XRCC4: variants seen among roughly 807,000 people sequenced by gnomAD.
The protein encoded by XRCC4 is X-ray repair cross complementing 4.
Under a neutral mutation model 39.1 loss-of-function variants are expected in XRCC4, and 28 were observed. The observed-to-expected ratio is 0.72, with a 90% CI of 0.53 to 0.98. The LOEUF (loss-of-function observed/expected upper bound fraction) is 0.98, where lower values mean the gene tolerates loss of function less well. XRCC4 is among the 50% of genes least tolerant of loss of function. The pLI is 0.00. For synonymous variants in XRCC4, 123 were observed against 126.4 expected (o/e 0.97, Z 0.18); for missense variants, 350 against 376.4 (o/e 0.93, Z 0.58).
At chr5:83,080,095 C>G (rs140020479) in intron 1 of XRCC4, among the ~76,000 whole-genome samples, 51 of 152,074 alleles carry the variant, frequency 3.4e-4, no homozygotes, top group African/African-American at 1.2e-3. Flanking sequence ...ATTAAAAGTC[C>G]CTGGAGAGGA....
chr5:83,100,261 A>G (rs1393668299), intron 1 of XRCC4, among the ~76,000 whole-genome samples: 2 of 152,132 alleles, frequency 1.3e-5, no homozygotes, highest in South Asian at 2.1e-4. Flanking sequence ...AAATAAAATC[A>G]TATAATTTTT....
intron 3 of XRCC4, among the ~76,000 whole-genome samples, chr5:83,181,142 T>C (rs1750188547): frequency 6.6e-6 from 1 of 151,740 alleles, no homozygotes. Flanking sequence ...TTAGATATTA[T>C]CTATTATCTT....
At chr5:83,124,939 G>T (rs769201458) in intron 3 of XRCC4, among the ~76,000 whole-genome samples, 1 of 152,132 alleles carries the variant, frequency 6.6e-6, no homozygotes, top group Non-Finnish European at 1.5e-5. Context: ...TCCCAAATGG[G>T]TGTACTATTT....
intron 3 of XRCC4, among the ~76,000 whole-genome samples, chr5:83,127,795 T>C (rs1015170044): frequency 6.6e-6 from 1 of 152,078 alleles, no homozygotes; most frequent in African/African-American, 2.4e-5. Flanking sequence ...GGATGAATTC[T>C]ATCGGATTTT....
intron 6 of XRCC4, among the ~76,000 whole-genome samples, chr5:83,258,026 C>T (rs578054323): frequency 3.7e-4 from 56 of 152,072 alleles, no homozygotes; most frequent in Middle Eastern, 6.8e-3. Flanking sequence ...CATCACACAC[C>T]GGGGCCTGTC....
At chr5:83,347,380 G>T (rs897472645) in intron 7 of XRCC4, among the ~76,000 whole-genome samples, 9 of 152,156 alleles carry the variant, frequency 5.9e-5, no homozygotes, top group Non-Finnish European at 1.2e-4. Flanking sequence ...GTTCTGTAGG[G>T]TGTGCAGGCT....
At chr5:83,332,103 C>T (rs1405737071) in intron 7 of XRCC4, among the ~76,000 whole-genome samples, 1 of 152,112 alleles carries the variant, frequency 6.6e-6, no homozygotes, top group Non-Finnish European at 1.5e-5. Context: ...TGACTGACAT[C>T]TGTATTCTTC....
At chr5:83,224,632 G>T (rs1752219122) in intron 6 of XRCC4, among the ~76,000 whole-genome samples, 1 of 152,078 alleles carries the variant, frequency 6.6e-6, no homozygotes, top group African/African-American at 2.4e-5. Flanking sequence ...ATGTTTTTAA[G>T]TTACTAATTA....
intron 1 of XRCC4, among the ~76,000 whole-genome samples, chr5:83,101,558 G>A (rs1745938648): frequency 6.6e-6 from 1 of 151,974 alleles, no homozygotes; most frequent in South Asian, 2.1e-4. Flanking sequence ...AGTGTTGATA[G>A]GCTGGTAGAG....
intron 7 of XRCC4, among the ~76,000 whole-genome samples, chr5:83,346,436 C>T (rs894280290): frequency 2.6e-5 from 4 of 152,090 alleles, no homozygotes; most frequent in Non-Finnish European, 5.9e-5. Context: ...CGAACATATA[C>T]CTGAATGTTA....
Position 83,258,667 on chromosome 5 carries a change from GA to G in XRCC4, c.887del (p.Lys296ArgfsTer24). On this transcript the variant is annotated frameshift_variant, in exon 7 of 8. Transcript: ENST00000396027. LOFTEE classifies it high-confidence loss of function. ...KMAPQENQLQEKEKPDSSLPE... is the reference protein window; with the variant it reads ...KMAPQENQLQXKEKPDSSLPE... ...GGCTCCTCAGGAGAATCAGCTTCAA[GA>G]AAAGGAAAAGTAAGTCATTTTATTC... 2 of 1,609,904 alleles carry G rather than the reference GA, an allele frequency of 1.2e-6. No individual in the cohort carries two copies. The highest frequency in any genetic ancestry group is 1.7e-6 in the Non-Finnish European group (2 of 1,178,506).
At chr5:83,268,831 A>C (rs1561444612) in intron 7 of XRCC4, among the ~76,000 whole-genome samples, 1 of 152,340 alleles carries the variant, frequency 6.6e-6, no homozygotes, top group East Asian at 1.9e-4. Flanking sequence ...ACTTTAGAGA[A>C]TAAGATATGA....
At chr5:83,263,971 G>A (rs749605181) in intron 7 of XRCC4, among the ~76,000 whole-genome samples, 9 of 152,154 alleles carry the variant, frequency 5.9e-5, no homozygotes, top group Non-Finnish European at 1.0e-4. Flanking sequence ...GGGTTTTTAT[G>A]GTTTTAGGTC....
chr5:83,105,783 T>C (rs1328862819), intron 2 of XRCC4, among the ~76,000 whole-genome samples: 1 of 152,164 alleles, frequency 6.6e-6, no homozygotes, highest in Non-Finnish European at 1.5e-5. Context: ...TCTAGAGTTA[T>C]GTTGTGAATA....
chr5:83,358,811 C>T, the XRCC4 span, among the ~76,000 whole-genome samples: 1 of 152,218 alleles, frequency 6.6e-6, no homozygotes, highest in South Asian at 2.1e-4. Context: ...TCTGTCTTTC[C>T]TTGCATTCCT....
At chr5:83,329,873 C>T (rs1756383711) in intron 7 of XRCC4, among the ~76,000 whole-genome samples, 1 of 151,968 alleles carries the variant, frequency 6.6e-6, no homozygotes. Flanking sequence ...TGATTTGGGA[C>T]ATTTTGAGGT....
chr5:83,121,186 T>C (rs1416093830), intron 3 of XRCC4, among the ~76,000 whole-genome samples: 1 of 152,234 alleles, frequency 6.6e-6, no homozygotes, highest in Non-Finnish European at 1.5e-5. Flanking sequence ...GTTTATGCAT[T>C]CACCAGTTGG....
the XRCC4 span, among the ~76,000 whole-genome samples, chr5:83,361,779 GC>G: frequency 1.3e-5 from 2 of 151,870 alleles, no homozygotes; most frequent in Non-Finnish European, 2.9e-5. Context: ...CTGCCACCAT[GC>G]CCAGCTAATT....
intron 1 of XRCC4, among the ~76,000 whole-genome samples, chr5:83,089,828 T>C (rs1266870251): frequency 6.6e-6 from 1 of 152,134 alleles, no homozygotes; most frequent in Non-Finnish European, 1.5e-5. Flanking sequence ...CTGCCTCAGG[T>C]TTGATAATTT....
Sources: allele counts gnomAD v4.1 joint callset (sites outside exome capture counted in the v4.1 genomes callset), GRCh38; gene constraint gnomAD v4.1.1; transcripts MANE v1.5; gene names NCBI Gene and HGNC (gene_info 2026-07-23, HGNC 2026-07-21).